The following DCDC1 variants were observed in gnomAD, a reference collection of about 807,000 sequenced individuals.
DCDC1 encodes doublecortin domain-containing protein 1.
Under a neutral mutation model 178.3 loss-of-function variants are expected in DCDC1, and 200 were observed. The observed-to-expected ratio is 1.12, with a 90% CI of 1.00 to 1.26. The LOEUF is 1.26. Among genes scored for constraint, DCDC1 ranks in the 50% most tolerant of loss-of-function variants. The pLI is 0.00. For synonymous variants in DCDC1, 690 were observed against 604.8 expected (o/e 1.14, Z -2.07); for missense variants, 1,983 against 1,749.2 (o/e 1.13, Z -2.38).
chr11:31,100,508 G>T (rs536536769), intron 15 of DCDC1, among the ~76,000 whole-genome samples: 1 of 152,164 alleles, frequency 6.6e-6, no homozygotes, highest in Non-Finnish European at 1.5e-5. Context: ...TCTTTCTGGA[G>T]TATCTGAGAA....
intron 17 of DCDC1, among the ~76,000 whole-genome samples, chr11:31,083,602 G>T (rs1019379651): frequency 6.6e-6 from 1 of 152,082 alleles, no homozygotes; most frequent in African/African-American, 2.4e-5. Context: ...CAGATCCAGT[G>T]CCATTTCAGA....
In DCDC1 at chr11:31,305,646, C is replaced by T. The variant is rs765964545; in HGVS notation, c.723G>A (p.Glu241=). The change falls in exon 6 of 39, where the codon GAG becomes GAA. Residue 241 remains glutamate (E), a synonymous_variant. Transcript: ENST00000684477. ...TTTTTTTGAATGGATTTAAAAAGGG[C>T]TCTCCCGTTGAAACATAAACATCGG... ...HEADVYVSTG[E]PFLNPFKKIK... is the part of the protein sequence containing the mutation. The T allele has an allele frequency of 2.5e-6, 4 of 1,613,524 alleles. No homozygotes were observed. The highest frequency in any genetic ancestry group is 3.4e-6 in the Non-Finnish European group (4 of 1,179,670).
chr11:31,148,511 A>G (rs1964729264), intron 9 of DCDC1, among the ~76,000 whole-genome samples: 1 of 152,076 alleles, frequency 6.6e-6, no homozygotes, highest in Non-Finnish European at 1.5e-5. Context: ...CTGTCTCAAA[A>G]AATAAAATAA....
intron 11 of DCDC1, among the ~76,000 whole-genome samples, chr11:31,126,868 C>T (rs573778295): frequency 6.6e-6 from 1 of 152,266 alleles, no homozygotes; most frequent in Admixed American, 6.5e-5. Flanking sequence ...ATGAGTTGTT[C>T]TTTATCTCTC....
chr11:30,913,705 G>C (rs1035882078), intron 27 of DCDC1, among the ~76,000 whole-genome samples: 3 of 152,204 alleles, frequency 2.0e-5, no homozygotes, highest in African/African-American at 7.2e-5. Flanking sequence ...TACATGGTTA[G>C]ATTTTCCAAG....
chr11:31,026,785 C>T (rs192604405), intron 20 of DCDC1, among the ~76,000 whole-genome samples: 90 of 151,872 alleles, frequency 5.9e-4, no homozygotes, highest in Admixed American at 3.5e-3. Flanking sequence ...AAACTTTACA[C>T]AAAATTATGA....
At chr11:31,243,267 A>G (rs1977406009) in intron 8 of DCDC1, among the ~76,000 whole-genome samples, 1 of 151,844 alleles carries the variant, frequency 6.6e-6, no homozygotes, top group African/African-American at 2.4e-5. Flanking sequence ...AACCTAGCTT[A>G]AGAATCATCA....
intron 20 of DCDC1, among the ~76,000 whole-genome samples, chr11:31,032,214 TGA>T (rs1414090554): frequency 1.3e-5 from 2 of 152,124 alleles, no homozygotes; most frequent in Non-Finnish European, 2.9e-5. Flanking sequence ...AGGATCTAAA[TGA>T]ACTCCCAAGA....
intron 1 of DCDC1, among the ~76,000 whole-genome samples, chr11:31,356,199 G>T (rs1344033516): frequency 6.6e-6 from 1 of 152,142 alleles, no homozygotes; most frequent in South Asian, 2.1e-4. Flanking sequence ...TGTTTACCAA[G>T]CCAAGACTCT....
chr11:31,229,530 G>A (rs577239243), intron 9 of DCDC1, among the ~76,000 whole-genome samples: 1 of 152,064 alleles, frequency 6.6e-6, no homozygotes, highest in East Asian at 1.9e-4. Context: ...CTCAATTATT[G>A]GAGTAAAAAG....
At chr11:30,956,988 A>C (rs948488018) in intron 20 of DCDC1, among the ~76,000 whole-genome samples, 6 of 152,228 alleles carry the variant, frequency 3.9e-5, no homozygotes, top group Admixed American at 3.9e-4. Flanking sequence ...GAGAAAATAG[A>C]AGTGGTCAGA....
chr11:31,128,756 A>C (rs1962003904), intron 10 of DCDC1, among the ~76,000 whole-genome samples: 1 of 152,188 alleles, frequency 6.6e-6, no homozygotes, highest in South Asian at 2.1e-4. Flanking sequence ...TAATTAAATT[A>C]GATGAAAAAA....
At chr11:31,004,389 T>C (rs1951728293) in intron 20 of DCDC1, among the ~76,000 whole-genome samples, 2 of 151,806 alleles carry the variant, frequency 1.3e-5, no homozygotes, top group African/African-American at 4.8e-5. Context: ...ATGTAGCATT[T>C]AATGGCTGGC....
At chr11:31,116,572 T>C (rs1364884025) in intron 11 of DCDC1, among the ~76,000 whole-genome samples, 1 of 152,040 alleles carries the variant, frequency 6.6e-6, no homozygotes, top group Non-Finnish European at 1.5e-5. Context: ...TTCTCAAATA[T>C]ATGATATAGT....
intron 9 of DCDC1, among the ~76,000 whole-genome samples, chr11:31,223,866 T>G (rs11031323): frequency 0.3 from 45,619 of 151,910 alleles, 8,328 homozygotes; most frequent in East Asian, 0.63. Flanking sequence ...TATATACATA[T>G]GATTGGTTTG....
At chr11:31,198,283 A>T (rs1970911361) in intron 9 of DCDC1, among the ~76,000 whole-genome samples, 1 of 152,044 alleles carries the variant, frequency 6.6e-6, no homozygotes, top group Non-Finnish European at 1.5e-5. Context: ...TAGATCCAGA[A>T]TTCTACATAG....
chr11:31,303,640 G>A (rs1294047005), intron 6 of DCDC1, among the ~76,000 whole-genome samples: 2 of 151,970 alleles, frequency 1.3e-5, no homozygotes, highest in Non-Finnish European at 2.9e-5. Flanking sequence ...ATGTATATAT[G>A]TTTACATTTA....
chr11:30,942,483 CTCTT>C (rs1565104132), intron 21 of DCDC1, among the ~76,000 whole-genome samples: 1 of 152,118 alleles, frequency 6.6e-6, no homozygotes, highest in East Asian at 1.9e-4. Context: ...GCTAATATAT[CTCTT>C]TCTTTCTGAA....
chr11:30,955,031 C>T (rs1010999437), intron 20 of DCDC1, among the ~76,000 whole-genome samples: 1 of 152,174 alleles, frequency 6.6e-6, no homozygotes, highest in Non-Finnish European at 1.5e-5. Flanking sequence ...CTTCAGAAGG[C>T]GGTAAGCTCC....
Sources: allele counts gnomAD v4.1 joint callset (sites outside exome capture counted in the v4.1 genomes callset), GRCh38; gene constraint gnomAD v4.1.1; transcripts MANE v1.5; gene names NCBI Gene and HGNC (gene_info 2026-07-23, HGNC 2026-07-21).